ANK3: variants seen among roughly 807,000 people sequenced by gnomAD.
ANK3 encodes ankyrin 3.
In ANK3, 57 loss-of-function variants were observed where a neutral mutation model predicts 370.9. The observed-to-expected ratio is 0.15, with a 90% CI of 0.12 to 0.19. The LOEUF (loss-of-function observed/expected upper bound fraction) is 0.19, where lower values mean the gene tolerates loss of function less well. Among genes scored for constraint, ANK3 ranks in the 10% least tolerant of loss-of-function variants. ANK3 has a pLI of 1.00. For synonymous variants in ANK3, 1,929 were observed against 1,946.3 expected (o/e 0.99, Z 0.23); for missense variants, 4,439 against 5,302.1 (o/e 0.84, Z 5.06).
At chr10:60,709,827 C>CAAAA (rs370504421) in intron 1 of ANK3, among the ~76,000 whole-genome samples, 1 of 71,478 alleles carries the variant, frequency 1.4e-5, no homozygotes, top group African/African-American at 5.5e-5. Flanking sequence ...GACCCCATCT[C>CAAAA]AAAAAAAAAA....
At chr10:60,482,549 T>C (rs758090678) in intron 2 of ANK3, among the ~76,000 whole-genome samples, 1 of 152,138 alleles carries the variant, frequency 6.6e-6, no homozygotes, top group Non-Finnish European at 1.5e-5. Context: ...GTGCAGTGGC[T>C]GATCACAGCT....
intron 7 of ANK3, among the ~76,000 whole-genome samples, chr10:60,255,804 A>T (rs543720909): frequency 2.0e-4 from 30 of 152,310 alleles, no homozygotes; most frequent in African/African-American, 7.2e-4. Flanking sequence ...ATAAAAAAAA[A>T]TTTATTTAAA....
At position 60,069,801 on chromosome 10, in the gene ANK3, C is replaced by CCTGA; in HGVS notation, c.11076_11079dup (p.Glu3694SerfsTer7). ...AGGGAGCCACTACTGGATGTGCCTT[C>CCTGA]CTGACACTCTCCGCTGGTCGGGATG... On this transcript the variant is annotated frameshift_variant, in exon 37 of 44. Transcript: ENST00000280772. LOFTEE classifies it high-confidence loss of function. 6.2e-7 allele frequency: 1 copy of CCTGA among 1,614,134 alleles called. No homozygotes were observed. Among genetic ancestry groups the CCTGA allele is most frequent in the Non-Finnish European group, 8.5e-7 (1 of 1,180,018 alleles).
In ANK3 at chr10:60,073,921, G is replaced by C; in HGVS notation, c.6960C>G (p.Asn2320Lys). The part of the protein sequence containing the change: ...ETSAQHAEKD[N>K]QMKPKLERII... Reference sequence around the variant, plus strand: ...TACGCTCCAGTTTGGGTTTCATTTGGTTGTCCTTCTCTGCATGCTGGGCTG... The same window carrying C: ...TACGCTCCAGTTTGGGTTTCATTTGCTTGTCCTTCTCTGCATGCTGGGCTG... The change falls in exon 37 of 44, where the codon AAC becomes AAG. Residue 2320 changes from asparagine to lysine, a missense_variant. Asn to Lys is a moderately conservative substitution (Grantham distance 94). This residue lies in a region of ANK3 where 1,601 missense variants were observed against 1,731.7 expected (regional missense o/e 0.92). Transcript: ENST00000280772. 6.2e-7 allele frequency: 1 copy of C among 1,613,924 alleles called. No individual in the cohort carries two copies. Among genetic ancestry groups the C allele is most frequent in the Non-Finnish European group, 8.5e-7 (1 of 1,179,964 alleles).
rs184232940 is a variant in ANK3 at position 60,625,193 on chromosome 10, G to A, written c.58-9969C>T. On this transcript the variant is annotated intron_variant, in intron 1 of 43. Transcript: ENST00000373827. ...GAGAGGGAGCCACAAGGGGAACACC[G>A]AGGCACCAGACTTGGGAGTAGAGAA... is the stretch of plus-strand genomic sequence containing the variant. Among the ~76,000 whole-genome samples, 30 of 152,126 alleles carry A rather than the reference G, an allele frequency of 2.0e-4. No homozygotes were observed. In the East Asian group the frequency reaches 3.5e-3, roughly 18 times the overall value.
intron 2 of ANK3, among the ~76,000 whole-genome samples, chr10:60,610,076 C>T (rs2078180725): frequency 6.6e-6 from 1 of 151,868 alleles, no homozygotes; most frequent in East Asian, 1.9e-4. Context: ...ATATAAAAAG[C>T]TCATATAAAT....
At chr10:60,643,119 C>T (rs1331932296) in intron 1 of ANK3, among the ~76,000 whole-genome samples, 1 of 152,004 alleles carries the variant, frequency 6.6e-6, no homozygotes, top group African/African-American at 2.4e-5. Context: ...TGGTGACAGA[C>T]CGTGATGGTT....
intron 2 of ANK3, among the ~76,000 whole-genome samples, chr10:60,453,171 G>A (rs1288060271): frequency 6.6e-6 from 1 of 152,226 alleles, no homozygotes. Flanking sequence ...GCCTGGGCAA[G>A]TTGCTTAACC....
At chr10:60,333,276 T>C (rs1262937632) in intron 1 of ANK3, among the ~76,000 whole-genome samples, 1 of 152,120 alleles carries the variant, frequency 6.6e-6, no homozygotes, top group Non-Finnish European at 1.5e-5. Context: ...ATTAGGTATT[T>C]CTCCTAATGC....
chr10:60,535,580 GCTGTA>G (rs2076706211), intron 2 of ANK3, among the ~76,000 whole-genome samples: 1 of 151,982 alleles, frequency 6.6e-6, no homozygotes, highest in Non-Finnish European at 1.5e-5. Context: ...AAGAGGAGGG[GCTGTA>G]ATTTCTTGGC....
chr10:60,608,461 T>C (rs2078158079), intron 2 of ANK3, among the ~76,000 whole-genome samples: 1 of 152,172 alleles, frequency 6.6e-6, no homozygotes, highest in African/African-American at 2.4e-5. Flanking sequence ...TGATATGCAT[T>C]ATACTTTATT....
At position 60,279,596 on chromosome 10, in the gene ANK3, T is replaced by C. The variant is rs2098133805; in HGVS notation, c.158A>G (p.His53Arg). 1 of 1,612,894 alleles carries C rather than the reference T, an allele frequency of 6.2e-7. No homozygotes were observed. The highest frequency in any genetic ancestry group is 8.5e-7 in the Non-Finnish European group (1 of 1,179,726). The change falls in exon 2 of 44, where the codon CAC (histidine) becomes CGC (arginine). Residue 53 changes from histidine to arginine, a missense_variant. His to Arg is a conservative substitution (Grantham distance 29). Around this residue, in one of 13 missense-constraint regions of ANK3, gnomAD observed 136 missense variants for 230.5 expected, o/e 0.59. Coordinates refer to ENST00000280772, the MANE Select transcript of ANK3 (RefSeq NM_020987.5). ...TATGTAGTCGAGGGCCTTTTCAAGG[T>C]GTCCAGCTCGAGCTGCTCTTAAGTA... ...ASYLRAARAG[H>R]LEKALDYIKN...
intron 2 of ANK3, among the ~76,000 whole-genome samples, chr10:60,570,969 C>T (rs981093572): frequency 1.3e-5 from 2 of 151,870 alleles, no homozygotes; most frequent in African/African-American, 4.8e-5. Context: ...TGTCTCGGCT[C>T]TCTATGACAC....
chr10:60,418,000 G>A (rs2132945205), intron 2 of ANK3, among the ~76,000 whole-genome samples: 1 of 151,986 alleles, frequency 6.6e-6, no homozygotes, highest in African/African-American at 2.4e-5. Flanking sequence ...TACTATTTGT[G>A]AGATCTACAT....
At chr10:60,231,900 T>C (rs1340582032) in intron 8 of ANK3, among the ~76,000 whole-genome samples, 2 of 152,132 alleles carry the variant, frequency 1.3e-5, no homozygotes, top group East Asian at 3.8e-4. Flanking sequence ...AAGTCAAAAC[T>C]GAGTGGGAGG....
At chr10:60,462,839 A>G (rs1236811159) in intron 2 of ANK3, among the ~76,000 whole-genome samples, 1 of 151,820 alleles carries the variant, frequency 6.6e-6, no homozygotes, top group African/African-American at 2.4e-5. Flanking sequence ...AACCAAAGCT[A>G]AGAATTTCTG....
At chr10:60,034,049 C>T (rs1220224991) in intron 43 of ANK3, among the ~76,000 whole-genome samples, 1 of 149,530 alleles carries the variant, frequency 6.7e-6, no homozygotes, top group Non-Finnish European at 1.5e-5. Context: ...GATTCTGATT[C>T]AGTAGGTCAG....
At chr10:60,223,513 G>A (rs751190457) in intron 8 of ANK3, among the ~76,000 whole-genome samples, 19 of 152,118 alleles carry the variant, frequency 1.2e-4, no homozygotes, top group Non-Finnish European at 2.4e-4. Flanking sequence ...ATCTTACAGA[G>A]GAGGTAACTT....
chr10:60,076,574 T>C (rs2083875771), intron 36 of ANK3, 126 bp from the exon 37 acceptor site: 1 of 1,280,178 alleles, frequency 7.8e-7, no homozygotes, highest in South Asian at 1.8e-5. Flanking sequence ...TACAATTGTT[T>C]GCATGATTTA....
Sources: gnomAD v4.1 joint callset for allele counts (sites outside exome capture counted in the v4.1 genomes callset) on GRCh38, gnomAD v4.1.1 for gene constraint, gnomAD v4.1.1 regional missense constraint, MANE v1.5 for transcripts, NCBI Gene and HGNC (gene_info 2026-07-23, HGNC 2026-07-21) for gene names.